Variants in PCDHGB3 observed in about 807,000 individuals in gnomAD.
PCDHGB3 encodes protocadherin gamma subfamily B, 3, also known as protocadherin gamma-B3.
In PCDHGB3, 40 loss-of-function variants were observed where a neutral mutation model predicts 59.2. That is an observed-to-expected ratio of 0.68 (90% CI 0.52 to 0.88). PCDHGB3 has a LOEUF of 0.88. PCDHGB3 is among the 40% of genes least tolerant of loss of function. The probability of loss-of-function intolerance (pLI) is 0.00; values close to 1 mark genes in which losing one functional copy is unlikely to be tolerated. For synonymous variants in PCDHGB3, 581 were observed against 503.6 expected, an observed-to-expected ratio of 1.15 and a Z score of -2.06; for missense variants, 1,309 against 1,187.9, an observed-to-expected ratio of 1.10 and a Z score of -1.50.
chr5:141,491,072 C>T lies in PCDHGB3; in HGVS notation c.2416-3735C>T, dbSNP rs778221466. The T allele has an allele frequency of 6.2e-7, 1 of 1,614,204 alleles. No individual in the cohort carries two copies. Among genetic ancestry groups the T allele is most frequent in the South Asian group, 1.1e-5 (1 of 91,086 alleles). On this transcript the variant is annotated intron_variant, in intron 1 of 3. Coordinates refer to ENST00000576222, the MANE Select transcript of PCDHGB3 (RefSeq NM_018924.5). The surrounding 1 kb of genome is among the most constrained non-coding windows in gnomAD (Gnocchi z 6.9). ...GCGTGGCTCTCCTACTCACTGTTGCCACAGTCCACAGCCCCAGGACTGTTC... is the reference window on the plus strand; with the variant it reads ...GCGTGGCTCTCCTACTCACTGTTGCTACAGTCCACAGCCCCAGGACTGTTC...
rs775312856 is a variant in PCDHGB3, at chr5:141,485,899, C to G, written c.2416-8908C>G. 1.9e-6 allele frequency: 3 copies of G among 1,614,166 alleles called. No homozygotes were observed. Among genetic ancestry groups the G allele is most frequent in the Non-Finnish European group, 2.5e-6 (3 of 1,180,032 alleles). ...ACGTAAACGACAACGCCCCAGCCTT[C>G]CAGCAATCCAGCTACAGGATTAGTG... On this transcript the variant is annotated intron_variant, in intron 1 of 3. Transcript: ENST00000576222. The surrounding 1 kb of genome is among the most constrained non-coding windows in gnomAD (Gnocchi z 5.7).
At chr5:141,505,238 G>A (rs1254100882) in intron 2 of PCDHGB3, 155 bp from the exon 3 acceptor site, 2 of 890,422 alleles carry the variant, frequency 2.2e-6, no homozygotes, top group South Asian at 5.2e-5. Context: ...GGCTTCTGAA[G>A]GATTGTAGAA....
At chr5:141,470,034 C>T (rs1209263598) in intron 1 of PCDHGB3, among the ~76,000 whole-genome samples, 2 of 152,086 alleles carry the variant, frequency 1.3e-5, no homozygotes, top group Non-Finnish European at 2.9e-5. Flanking sequence ...GATGCTGAGG[C>T]GCGAGAACTG....
chr5:141,472,159 A>G (rs1020175900), intron 1 of PCDHGB3, among the ~76,000 whole-genome samples: 1 of 152,246 alleles, frequency 6.6e-6, no homozygotes, highest in Non-Finnish European at 1.5e-5. Context: ...TTACATAGCT[A>G]CTAGGTGTAA....
chr5:141,398,732 G>A (rs747131946), intron 1 of PCDHGB3: 4 of 1,613,778 alleles, frequency 2.5e-6, no homozygotes, highest in Admixed American at 1.7e-5. Flanking sequence ...ACCTTAGACC[G>A]GGAACAACAG....
rs375310818 is a variant in PCDHGB3 at position 141,376,558 on chromosome 5, C to A, written c.2415+3749C>A. On this transcript the variant is annotated intron_variant, in intron 1 of 3. Transcript: ENST00000576222. Reference sequence around the variant, plus strand: ...AAGAGTAATCTGATCTTCCCGCAACCCAACTAATCAGACAGGCTCATCAGC... The same window carrying A: ...AAGAGTAATCTGATCTTCCCGCAACACAACTAATCAGACAGGCTCATCAGC... The A allele has an allele frequency of 6.2e-6, 10 of 1,609,858 alleles. No individual in the cohort carries two copies. In the African/African-American group the frequency reaches 1.3e-4, roughly 22 times the overall value.
At position 141,489,258 on chromosome 5, in the gene PCDHGB3, C is replaced by T. The variant is rs1594800449; in HGVS notation, c.2416-5549C>T. 3.2e-6 allele frequency: 5 copies of T among 1,551,530 alleles called. No individual in the cohort carries two copies. Among genetic ancestry groups the T allele is most frequent in the African/African-American group, 1.4e-5 (1 of 73,276 alleles). On this transcript the variant is annotated intron_variant, in intron 1 of 3. Coordinates refer to ENST00000576222, the MANE Select transcript of PCDHGB3 (RefSeq NM_018924.5). This position sits in a 1 kb window ranked among gnomAD's most constrained non-coding sequence, Gnocchi z 4.5. Reference sequence around the variant, plus strand: ...TCTGGGTCATGGGGCCCAAGACACTCCCACAGCTCGCTGGGAAATGGCAAG... The same window carrying T: ...TCTGGGTCATGGGGCCCAAGACACTTCCACAGCTCGCTGGGAAATGGCAAG...
rs774780380 is a variant in PCDHGB3 at position 141,432,864 on chromosome 5, G to C, written c.2415+60055G>C. Reference sequence around the variant, plus strand: ...GTGGTAGCGGTGGCCGCGGTCTCCTGCGTCTTCCTGGCCTTCGTCATCTTG... The same window carrying C: ...GTGGTAGCGGTGGCCGCGGTCTCCTCCGTCTTCCTGGCCTTCGTCATCTTG... On this transcript the variant is annotated intron_variant, in intron 1 of 3. Coordinates refer to ENST00000576222, the MANE Select transcript of PCDHGB3 (RefSeq NM_018924.5). The surrounding 1 kb of genome is among the most constrained non-coding windows in gnomAD (Gnocchi z 6.0). 6.2e-7 allele frequency: 1 copy of C among 1,614,168 alleles called. No homozygotes were observed.
rs762312563 is a variant in PCDHGB3 at position 141,493,182 on chromosome 5, A to G, written c.2416-1625A>G. Among the ~76,000 whole-genome samples, 1 of 152,232 alleles carries G rather than the reference A, an allele frequency of 6.6e-6. No homozygotes were observed. The highest frequency in any genetic ancestry group is 2.4e-5 in the African/African-American group (1 of 41,460). The stretch of plus-strand genomic sequence containing the variant: ...TAGCTGATTGAGAGAAACTTACTAT[A>G]TAACTCCTTTGAGAACCTCATCTCA... On this transcript the variant is annotated intron_variant, in intron 1 of 3. Coordinates refer to ENST00000576222, the MANE Select transcript of PCDHGB3 (RefSeq NM_018924.5). The surrounding 1 kb of genome is among the most constrained non-coding windows in gnomAD (Gnocchi z 4.3).
Position 141,477,662 on chromosome 5 carries a change from A to G in PCDHGB3, c.2416-17145A>G. On this transcript the variant is annotated intron_variant, in intron 1 of 3. Transcript: ENST00000576222. The surrounding 1 kb of genome is among the most constrained non-coding windows in gnomAD (Gnocchi z 4.9). ...TCGCTATTTCACAATAAATCGTGAC[A>G]ATGGCATAGTGTCATCCTTAGTGCC... The G allele has an allele frequency of 6.2e-7, 1 of 1,614,222 alleles. No individual in the cohort carries two copies.
intron 1 of PCDHGB3, among the ~76,000 whole-genome samples, chr5:141,466,183 T>G (rs145148468): frequency 2.0e-5 from 3 of 152,138 alleles, no homozygotes; most frequent in Middle Eastern, 3.4e-3. Flanking sequence ...TATTTTTATT[T>G]TTTTTCAGAC....
intron 1 of PCDHGB3, chr5:141,416,766 T>C (rs906070451): frequency 2.0e-5 from 3 of 152,212 alleles, no homozygotes; most frequent in African/African-American, 7.2e-5. Context: ...GATCTCTTAA[T>C]TTTATTACTA....
In PCDHGB3 at chr5:141,489,449, A is replaced by G; in HGVS notation, c.2416-5358A>G. The G allele has an allele frequency of 6.2e-7, 1 of 1,614,056 alleles. No homozygotes were observed. Among genetic ancestry groups the G allele is most frequent in the Non-Finnish European group, 8.5e-7 (1 of 1,180,016 alleles). On this transcript the variant is annotated intron_variant, in intron 1 of 3. Coordinates refer to ENST00000576222, the MANE Select transcript of PCDHGB3 (RefSeq NM_018924.5). This position sits in a 1 kb window ranked among gnomAD's most constrained non-coding sequence, Gnocchi z 4.5. ...CGGCGGCTGCAATTGGGCTCTGAGG[A>G]GAATGGGCGCTATTTTTCCCTGAGC...
chr5:141,511,711 T>G lies in PCDHGB3; in HGVS notation c.*538T>G. 1 of 185,916 alleles carries G rather than the reference T, an allele frequency of 5.4e-6. No individual in the cohort carries two copies. Among genetic ancestry groups the G allele is most frequent in the South Asian group, 1.1e-4 (1 of 8,818 alleles). The allele number at this position is 185,916 out of a possible 1,614,324, so 11.5% of individuals were successfully genotyped here. A position where few individuals can be genotyped will look rare whatever the true frequency, so the allele number is the denominator to read the frequency against. Reference sequence around the variant, plus strand: ...GTTTGGTGCCAGCCCCTTCACCTCCTTCCAGAGCCCAAGATCAATGCTCAA... The same window carrying G: ...GTTTGGTGCCAGCCCCTTCACCTCCGTCCAGAGCCCAAGATCAATGCTCAA... On this transcript the variant is annotated 3_prime_UTR_variant, in exon 4 of 4. Transcript: ENST00000576222.
chr5:141,486,166 G>A lies in PCDHGB3; in HGVS notation c.2416-8641G>A. ...GCGATGGGGGTTCTCCAGCCATGGA[G>A]CAACATTGCAGCCTTCGAGTGGATC... On this transcript the variant is annotated intron_variant, in intron 1 of 3. Coordinates refer to ENST00000576222, the MANE Select transcript of PCDHGB3 (RefSeq NM_018924.5). The surrounding 1 kb of genome is among the most constrained non-coding windows in gnomAD (Gnocchi z 5.0). The A allele has an allele frequency of 2.5e-6, 4 of 1,614,224 alleles. No individual in the cohort carries two copies. The highest frequency in any genetic ancestry group is 3.4e-6 in the Non-Finnish European group (4 of 1,180,040).
intron 1 of PCDHGB3, chr5:141,394,095 G>C (rs1222166545): frequency 1.9e-6 from 3 of 1,613,848 alleles, no homozygotes; most frequent in Non-Finnish European, 2.5e-6. Flanking sequence ...CTCAGATCTA[G>C]GAACACCACC....
At chr5:141,387,936 T>G (rs200817766) in intron 1 of PCDHGB3, 31,224 of 1,475,552 alleles carry the variant, frequency 0.021, 381 homozygotes, top group Non-Finnish European at 0.026. Flanking sequence ...GCCAGTGCTC[T>G]TTCTCTTCCT....
At chr5:141,413,234 T>C (rs2095618811) in intron 1 of PCDHGB3, 2 of 1,613,838 alleles carry the variant, frequency 1.2e-6, no homozygotes, top group Non-Finnish European at 1.7e-6. Context: ...CTGGTCCTGC[T>C]CTGCCTTTTC....
At chr5:141,397,753 A>G (rs1052800196) in intron 1 of PCDHGB3, among the ~76,000 whole-genome samples, 9 of 152,266 alleles carry the variant, frequency 5.9e-5, no homozygotes, top group African/African-American at 9.6e-5. Flanking sequence ...AGAAGTTGTT[A>G]TAATTTTTTA....
Sources: gnomAD v4.1 joint callset for allele counts (sites outside exome capture counted in the v4.1 genomes callset) on GRCh38, gnomAD v4.1.1 for gene constraint, Gnocchi (gnomAD v3.1) non-coding constraint, MANE v1.5 for transcripts, NCBI Gene and HGNC (gene_info 2026-07-23, HGNC 2026-07-21) for gene names.